Variants in STXBP6 observed in about 807,000 individuals in gnomAD.
STXBP6 encodes syntaxin binding protein 6.
STXBP6 carries 21 observed loss-of-function variants against 26.9 expected under a neutral mutation model. The observed-to-expected ratio is 0.78, with a 90% confidence interval of 0.55 to 1.12. The LOEUF (loss-of-function observed/expected upper bound fraction) is 1.12. STXBP6 is among the 50% of genes most tolerant of loss of function. The pLI is 0.00. For synonymous variants in STXBP6, 97 were observed against 92.6 expected (o/e 1.05, Z -0.27); for missense variants, 232 against 257.9 (o/e 0.90, Z 0.69).
At chr14:25,027,352 A>T (rs1431777333) in intron 1 of STXBP6, among the ~76,000 whole-genome samples, 1 of 152,166 alleles carries the variant, frequency 6.6e-6, no homozygotes, top group East Asian at 1.9e-4. Context: ...TGCTACAGTA[A>T]TCTGTGATCA....
chr14:25,045,609 T>TC (rs1202554458), intron 1 of STXBP6, among the ~76,000 whole-genome samples: 2 of 150,226 alleles, frequency 1.3e-5, no homozygotes, highest in African/African-American at 4.9e-5. Context: ...TCTTTTCTTT[T>TC]TTTTTTTTTT....
intron 1 of STXBP6, among the ~76,000 whole-genome samples, chr14:25,048,020 G>A (rs1468326367): frequency 6.6e-6 from 1 of 152,148 alleles, no homozygotes; most frequent in African/African-American, 2.4e-5. Context: ...TAAATATGAG[G>A]ACTGGAGCTC....
At chr14:24,920,602 T>C (rs1178570122) in intron 2 of STXBP6, among the ~76,000 whole-genome samples, 5 of 151,976 alleles carry the variant, frequency 3.3e-5, no homozygotes, top group Non-Finnish European at 7.4e-5. Flanking sequence ...CTTTATTGAA[T>C]TGGAAAATTT....
At chr14:24,830,595 A>G (rs1305464166) in intron 4 of STXBP6, among the ~76,000 whole-genome samples, 1 of 152,204 alleles carries the variant, frequency 6.6e-6, no homozygotes, top group African/African-American at 2.4e-5. Flanking sequence ...AGAATCAAGT[A>G]TTTCATTTAG....
chr14:25,016,888 A>C (rs374480658), intron 1 of STXBP6, among the ~76,000 whole-genome samples: 18 of 152,208 alleles, frequency 1.2e-4, no homozygotes, highest in East Asian at 7.7e-4. Flanking sequence ...CTAAAAGGAA[A>C]ATTATAAGGC....
At chr14:24,918,865 C>A (rs1259343904) in intron 2 of STXBP6, among the ~76,000 whole-genome samples, 1 of 151,990 alleles carries the variant, frequency 6.6e-6, no homozygotes, top group Non-Finnish European at 1.5e-5. Context: ...ACCAAGAGTG[C>A]AAAAGAGAAA....
chr14:24,855,287 C>T (rs1255737594), intron 4 of STXBP6, among the ~76,000 whole-genome samples: 2 of 152,124 alleles, frequency 1.3e-5, no homozygotes, highest in Admixed American at 6.6e-5. Flanking sequence ...AAACACTCTT[C>T]CCCAACTCAC....
In STXBP6 at chr14:24,857,105, T is replaced by A. The variant is rs1413429719; in HGVS notation, c.207A>T (p.Glu69Asp). ...ATCTCCGAACAAATGATGTGGAGCC[T>A]TCAAACTGTTTGACCTTTGTGATGG... is the stretch of plus-strand genomic sequence containing the variant. ...QASITKVKQF[E>D]GSTSFVRRSQ... The change falls in exon 3 of 6, where the codon GAA becomes GAT. Residue 69 changes from glutamate (E) to aspartate (D), a missense_variant. Glu to Asp is a conservative substitution (Grantham distance 45). Coordinates refer to ENST00000323944, the MANE Select transcript of STXBP6 (RefSeq NM_001394410.1). 1 of 1,613,108 alleles carries A rather than the reference T, an allele frequency of 6.2e-7. No homozygotes were observed. The highest frequency in any genetic ancestry group is 2.2e-5 in the East Asian group (1 of 44,850).
rs77104103 is a variant in STXBP6, at chr14:25,042,063, G to A, written c.-33+7815C>T. 2.4e-3 allele frequency among the ~76,000 whole-genome samples: 367 copies of A among 152,264 alleles called. 1 individual carries two copies. The highest frequency in any genetic ancestry group is 0.011 in the South Asian group (54 of 4,826). On this transcript the variant is annotated intron_variant, in intron 1 of 5. Coordinates refer to ENST00000323944, the MANE Select transcript of STXBP6 (RefSeq NM_001394410.1). ...TTTAATTCTTAAAAACTATTTGTACGTATTGTTTCCCAGAAGAAAGAGGAT... is the reference window on the plus strand; with the variant it reads ...TTTAATTCTTAAAAACTATTTGTACATATTGTTTCCCAGAAGAAAGAGGAT...
At chr14:25,027,978 G>T (rs2075378554) in intron 1 of STXBP6, among the ~76,000 whole-genome samples, 1 of 152,232 alleles carries the variant, frequency 6.6e-6, no homozygotes, top group African/African-American at 2.4e-5. Context: ...AAGGCTGAAA[G>T]AGGTGATGAA....
chr14:25,023,173 T>C (rs1773498769), intron 1 of STXBP6, among the ~76,000 whole-genome samples: 1 of 152,214 alleles, frequency 6.6e-6, no homozygotes, highest in African/African-American at 2.4e-5. Context: ...TCTTTAATTA[T>C]TAACTATGGT....
At position 24,809,504 on chromosome 14, in the gene STXBP6, C is replaced by T. The variant is rs1207893645; in HGVS notation, c.*3205G>A. ...TACATTCCAAGCTTTTCCATTAGAA[C>T]ATATGTAATGACATTTTATCATCAT... On this transcript the variant is annotated 3_prime_UTR_variant, in exon 6 of 6. Transcript: ENST00000323944. Among the ~76,000 whole-genome samples, 1 of 152,046 alleles carries T rather than the reference C, an allele frequency of 6.6e-6. No individual in the cohort carries two copies. The highest frequency in any genetic ancestry group is 2.4e-5 in the African/African-American group (1 of 41,410).
intron 2 of STXBP6, among the ~76,000 whole-genome samples, chr14:24,919,047 T>C (rs759991481): frequency 1.3e-5 from 2 of 151,932 alleles, no homozygotes; most frequent in Non-Finnish European, 2.9e-5. Flanking sequence ...TCTGGAAAAA[T>C]AGTGCAGTCA....
chr14:24,844,380 G>A (rs2068878650), intron 4 of STXBP6, among the ~76,000 whole-genome samples: 2 of 152,216 alleles, frequency 1.3e-5, no homozygotes, highest in Non-Finnish European at 2.9e-5. Context: ...GAGATCATGG[G>A]AACCTCCAAT....
At chr14:24,880,724 C>T (rs567469210) in intron 2 of STXBP6, among the ~76,000 whole-genome samples, 1 of 152,008 alleles carries the variant, frequency 6.6e-6, no homozygotes, top group Non-Finnish European at 1.5e-5. Flanking sequence ...AAAACAAGGC[C>T]GTGCTATGGA....
chr14:24,858,791 A>G (rs2069431494), intron 2 of STXBP6, among the ~76,000 whole-genome samples: 1 of 152,150 alleles, frequency 6.6e-6, no homozygotes, highest in Non-Finnish European at 1.5e-5. Flanking sequence ...AGAAAACAAT[A>G]CACCTGGAAT....
intron 2 of STXBP6, among the ~76,000 whole-genome samples, chr14:24,871,165 G>GAGAAAAAGCTATCTCCTTTCCTCACTAA (rs1424933558): frequency 6.6e-6 from 1 of 151,812 alleles, no homozygotes; most frequent in East Asian, 1.9e-4. Flanking sequence ...CTCCTTAAGA[G>GAGAAAAAGCTATCTCCTTTCCTCACTAA]AGAAAAAGCT....
chr14:24,898,271 G>A (rs2071070914), intron 2 of STXBP6, among the ~76,000 whole-genome samples: 1 of 152,208 alleles, frequency 6.6e-6, no homozygotes, highest in South Asian at 2.1e-4. Flanking sequence ...CATACAGGAA[G>A]CATTTAATAA....
intron 2 of STXBP6, among the ~76,000 whole-genome samples, chr14:24,972,769 G>T (rs1459729605): frequency 6.6e-5 from 10 of 152,130 alleles, no homozygotes; most frequent in Admixed American, 2.6e-4. Context: ...ACTTTTGGAG[G>T]CCAAGGGGAA....
Sources: gnomAD v4.1 joint callset for allele counts (sites outside exome capture counted in the v4.1 genomes callset) on GRCh38, gnomAD v4.1.1 for gene constraint, MANE v1.5 for transcripts, NCBI Gene and HGNC (gene_info 2026-07-23, HGNC 2026-07-21) for gene names.